RABGAP1L: variants seen among roughly 807,000 people sequenced by gnomAD.
RABGAP1L encodes rab GTPase-activating protein 1-like.
A neutral mutation model predicts 137.7 loss-of-function variants in RABGAP1L; 63 were observed. The ratio of observed to expected loss-of-function variants is 0.46; its 90% CI spans 0.37 to 0.56. The LOEUF is 0.56. Ranked by LOEUF, RABGAP1L falls within the 20% of genes least tolerant of loss-of-function variation. The pLI is 0.00. For missense variants in RABGAP1L, 1,095 were observed against 1,244.0 expected (o/e 0.88, Z 1.80); for synonymous variants, 431 against 433.7 (o/e 0.99, Z 0.08).
chr1:174,626,756 A>G (rs1039111702), intron 13 of RABGAP1L, among the ~76,000 whole-genome samples: 1 of 152,210 alleles, frequency 6.6e-6, no homozygotes, highest in African/African-American at 2.4e-5. Context: ...GTTTGCAACT[A>G]GAGTACACTT....
intron 19 of RABGAP1L, among the ~76,000 whole-genome samples, chr1:174,826,723 G>A (rs754524219): frequency 6.6e-6 from 1 of 152,180 alleles, no homozygotes; most frequent in African/African-American, 2.4e-5. Context: ...TCTCTAATCT[G>A]TTCACCGCAG....
At chr1:174,938,402 C>T (rs1165636228) in intron 19 of RABGAP1L, 1 of 152,204 alleles carries the variant, frequency 6.6e-6, no homozygotes, top group East Asian at 1.9e-4. Context: ...CTTTCTCCAT[C>T]CATCCTCAGT....
chr1:174,571,332 A>C (rs1484604640), intron 13 of RABGAP1L, among the ~76,000 whole-genome samples: 1 of 152,122 alleles, frequency 6.6e-6, no homozygotes, highest in East Asian at 1.9e-4. Context: ...AATAATTAGA[A>C]AGAATGAGTA....
chr1:174,738,645 G>T (rs565733720), intron 17 of RABGAP1L, among the ~76,000 whole-genome samples: 1 of 152,242 alleles, frequency 6.6e-6, no homozygotes, highest in East Asian at 1.9e-4. Context: ...TCTTACACAT[G>T]GGGGAGGTTG....
chr1:174,418,758 T>G (rs10912782), intron 13 of RABGAP1L, among the ~76,000 whole-genome samples: 59,198 of 152,022 alleles, frequency 0.39, 14,547 homozygotes, highest in African/African-American at 0.7. Flanking sequence ...TAGAATACAG[T>G]CTGGGTGCGG....
rs192740000 is a variant in RABGAP1L, at chr1:174,787,818, G to C, written c.2212-24014G>C. 1.3e-4 allele frequency among the ~76,000 whole-genome samples: 20 copies of C among 152,292 alleles called. 1 individual carries two copies. The highest frequency in any genetic ancestry group is 9.2e-4 in the Admixed American group (14 of 15,298). ...ATAGTCTGGGGGAGAAATAATGAAGGCTTCTTTAACCAAGGCTGCAACAAT... is the reference window on the plus strand; with the variant it reads ...ATAGTCTGGGGGAGAAATAATGAAGCCTTCTTTAACCAAGGCTGCAACAAT... On this transcript the variant is annotated intron_variant, in intron 18 of 25. Coordinates refer to ENST00000681986, the MANE Select transcript of RABGAP1L (RefSeq NM_001366446.1).
chr1:174,405,409 T>C (rs377148859), intron 13 of RABGAP1L, among the ~76,000 whole-genome samples: 9 of 152,322 alleles, frequency 5.9e-5, no homozygotes, highest in African/African-American at 2.2e-4. Flanking sequence ...TTCTCTGTCA[T>C]CACCTTGTCT....
At chr1:174,468,579 A>G (rs1657558489) in intron 13 of RABGAP1L, among the ~76,000 whole-genome samples, 1 of 152,188 alleles carries the variant, frequency 6.6e-6, no homozygotes, top group African/African-American at 2.4e-5. Context: ...GTGGGCAGAT[A>G]TTTTTGTGTA....
chr1:174,549,984 A>C (rs1666302487), intron 13 of RABGAP1L, among the ~76,000 whole-genome samples: 1 of 149,334 alleles, frequency 6.7e-6, no homozygotes, highest in Non-Finnish European at 1.5e-5. Context: ...GTGCACTGTG[A>C]TCATACTGTA....
At chr1:174,893,062 G>T in intron 19 of RABGAP1L, 1 of 321,364 alleles carries the variant, frequency 3.1e-6, no homozygotes, top group South Asian at 3.2e-5. Flanking sequence ...CCTCATTTCT[G>T]ATTTGTCCAT....
At chr1:174,849,664 T>G in intron 19 of RABGAP1L, 1 of 407,302 alleles carries the variant, frequency 2.5e-6, no homozygotes. Context: ...TTTGTTGTGA[T>G]TTTCTTCATT....
chr1:174,724,923 T>C (rs1264613252), intron 17 of RABGAP1L, among the ~76,000 whole-genome samples: 1 of 152,118 alleles, frequency 6.6e-6, no homozygotes, highest in East Asian at 1.9e-4. Flanking sequence ...GTAGGGGAAG[T>C]GCATGCTTGA....
At chr1:174,753,424 A>AT (rs148385280) in intron 18 of RABGAP1L, among the ~76,000 whole-genome samples, 2 of 152,322 alleles carry the variant, frequency 1.3e-5, no homozygotes, top group East Asian at 3.9e-4. Flanking sequence ...CAAAGGCATG[A>AT]AATAGTACAG....
At chr1:174,863,139 C>G (rs984691200) in intron 19 of RABGAP1L, among the ~76,000 whole-genome samples, 2 of 147,466 alleles carry the variant, frequency 1.4e-5, no homozygotes, top group Non-Finnish European at 3.0e-5. Context: ...AATGTTCCAC[C>G]CACCTCGGCG....
rs533340779 is a variant in RABGAP1L at position 174,852,823 on chromosome 1, A to T, written c.2340+40863A>T. Among the ~76,000 whole-genome samples, 137 of 151,874 alleles carry T rather than the reference A, an allele frequency of 9.0e-4. 2 individuals carry two copies. The highest frequency in any genetic ancestry group is 3.1e-3 in the African/African-American group (129 of 41,506). Reference sequence around the variant, plus strand: ...AGAGCAAGATTTGGTCTCAAAAAAAAAAATAAAAACAAAAAAAAGTAGAAC... The same window carrying T: ...AGAGCAAGATTTGGTCTCAAAAAAATAAATAAAAACAAAAAAAAGTAGAAC... On this transcript the variant is annotated intron_variant, in intron 19 of 25. Transcript: ENST00000681986.
intron 13 of RABGAP1L, among the ~76,000 whole-genome samples, chr1:174,524,197 TG>T (rs1229670585): frequency 4.6e-5 from 7 of 151,872 alleles, no homozygotes; most frequent in African/African-American, 1.2e-4. Context: ...TTGTTGTTGT[TG>T]TTGTTGTTGT....
intron 19 of RABGAP1L, among the ~76,000 whole-genome samples, chr1:174,937,139 C>T (rs1051365896): frequency 2.6e-5 from 4 of 151,380 alleles, no homozygotes; most frequent in East Asian, 1.9e-4. Context: ...CCACCACGCC[C>T]GGGTAATTTT....
intron 13 of RABGAP1L, among the ~76,000 whole-genome samples, chr1:174,601,848 A>G (rs972851061): frequency 6.6e-6 from 1 of 152,126 alleles, no homozygotes; most frequent in African/African-American, 2.4e-5. Flanking sequence ...TCAAAGTTCC[A>G]CAAATCTCTA....
chr1:174,778,038 T>A (rs1044843267), intron 18 of RABGAP1L, among the ~76,000 whole-genome samples: 32 of 152,194 alleles, frequency 2.1e-4, no homozygotes, highest in African/African-American at 7.5e-4. Context: ...CCAAATTTGA[T>A]GAAAATTATA....
Sources: gnomAD v4.1 joint callset for allele counts (sites outside exome capture counted in the v4.1 genomes callset) on GRCh38, gnomAD v4.1.1 for gene constraint, MANE v1.5 for transcripts, NCBI Gene and HGNC (gene_info 2026-07-23, HGNC 2026-07-21) for gene names.